Variants in ANAPC16 observed in about 807,000 individuals in gnomAD.
The protein encoded by ANAPC16 is anaphase promoting complex subunit 16.
ANAPC16 carries 6 observed loss-of-function variants against 13.1 expected under a neutral mutation model. The ratio of observed to expected loss-of-function variants is 0.46; its 90% confidence interval spans 0.25 to 0.90. The LOEUF (loss-of-function observed/expected upper bound fraction) is 0.90. Among genes scored for constraint, ANAPC16 ranks in the 40% least tolerant of loss-of-function variants. ANAPC16 has a pLI of 0.18. For missense variants in ANAPC16, 113 were observed against 131.1 expected, an observed-to-expected ratio of 0.86 and a Z score of 0.67; for synonymous variants, 55 against 51.3, an observed-to-expected ratio of 1.07 and a Z score of -0.31.
intron 2 of ANAPC16, among the ~76,000 whole-genome samples, chr10:72,229,513 G>A (rs998497215): frequency 2.0e-5 from 3 of 152,084 alleles, no homozygotes; most frequent in African/African-American, 7.2e-5. Context: ...AAAAAGGACA[G>A]CTGTGTCCTC....
chr10:72,227,488 C>G (rs1365614674), intron 2 of ANAPC16, among the ~76,000 whole-genome samples: 1 of 152,042 alleles, frequency 6.6e-6, no homozygotes, highest in African/African-American at 2.4e-5. Flanking sequence ...TTAAGATAAT[C>G]TTTAAAAATC....
At chr10:72,221,021 A>G (rs927487125) in intron 1 of ANAPC16, among the ~76,000 whole-genome samples, 5 of 152,054 alleles carry the variant, frequency 3.3e-5, no homozygotes, top group Non-Finnish European at 2.9e-5. Flanking sequence ...AGTTCAAGCT[A>G]TTCTCCTGCC....
At chr10:72,219,935 G>A (rs1432882696) in intron 1 of ANAPC16, 1 of 152,198 alleles carries the variant, frequency 6.6e-6, no homozygotes, top group African/African-American at 2.4e-5. Context: ...AAACAGAACA[G>A]CCAGTATTTC....
In ANAPC16 at chr10:72,234,927, G is replaced by T. The variant is rs1860427427; in HGVS notation, c.*1811G>T. On this transcript the variant is annotated 3_prime_UTR_variant, in exon 4 of 4. Coordinates refer to ENST00000299381, the MANE Select transcript of ANAPC16 (RefSeq NM_173473.4). ...GCACCTGGGGAGGCTGAGGTGAGTG[G>T]ATCACTAGAGGTCAGGAGTTCAAGA... The T allele has an allele frequency of 6.6e-6, 1 of 152,204 alleles. No homozygotes were observed. The allele number at this position is 152,204 out of a possible 1,614,324, so 9.4% of individuals were successfully genotyped here.
Position 72,233,015 on chromosome 10 carries a change from C to G in ANAPC16, c.232C>G (p.Arg78Gly). Residue 78 changes from arginine to glycine, a missense_variant, in exon 4 of 4, where the codon CGG (arginine) becomes GGG (glycine). Arg to Gly is a moderately radical substitution (Grantham distance 125). Coordinates refer to ENST00000299381, the MANE Select transcript of ANAPC16 (RefSeq NM_173473.4). The part of the protein sequence containing the change: ...KQVKHDQQVA[R>G]MEKLAGLVEE... ...ACTCCTTACAGATCAGCAAGTTGCTCGGATGGAAAAACTAGCTGGTTTGGT... is the reference window on the plus strand; with the variant it reads ...ACTCCTTACAGATCAGCAAGTTGCTGGGATGGAAAAACTAGCTGGTTTGGT... The G allele has an allele frequency of 6.2e-7, 1 of 1,614,082 alleles. No homozygotes were observed.
intron 1 of ANAPC16, among the ~76,000 whole-genome samples, chr10:72,218,900 G>A (rs1194849418): frequency 6.6e-6 from 1 of 152,194 alleles, no homozygotes; most frequent in Non-Finnish European, 1.5e-5. Context: ...AACGATAGTA[G>A]TTCTGAGAGT....
At chr10:72,218,207 T>G (rs1198988337) in intron 1 of ANAPC16, among the ~76,000 whole-genome samples, 1 of 94,000 alleles carries the variant, frequency 1.1e-5, no homozygotes, top group Non-Finnish European at 2.1e-5. Context: ...TATATATATA[T>G]ATATATATAT....
In ANAPC16 at chr10:72,234,767, C is replaced by T. The variant is rs1001521739; in HGVS notation, c.*1651C>T. The T allele has an allele frequency of 6.6e-6, 1 of 152,146 alleles. No individual in the cohort carries two copies. Among genetic ancestry groups the T allele is most frequent in the Non-Finnish European group, 1.5e-5 (1 of 68,038 alleles). The allele number at this position is 152,146 out of a possible 1,614,324, so 9.4% of individuals were successfully genotyped here. A position where few individuals can be genotyped will look rare whatever the true frequency, so the allele number is the denominator to read the frequency against. On this transcript the variant is annotated 3_prime_UTR_variant, in exon 4 of 4. Transcript: ENST00000299381. ...GCCTGAGCCCTGTGAAGTTAAACAC[C>T]TGCTCATGGTCACATAGCCCAGGCA...
chr10:72,217,040 C>T (rs1386991574), intron 1 of ANAPC16: 1 of 454,254 alleles, frequency 2.2e-6, no homozygotes, highest in East Asian at 6.9e-5. Flanking sequence ...TGCGTTCTGT[C>T]GTTTGTTCAT....
At chr10:72,221,669 C>T (rs1039876650) in intron 1 of ANAPC16, among the ~76,000 whole-genome samples, 4 of 150,186 alleles carry the variant, frequency 2.7e-5, no homozygotes, top group African/African-American at 9.8e-5. Context: ...AGTGATTCTC[C>T]TGCCTCAGTC....
intron 1 of ANAPC16, 60 bp from the exon 2 acceptor site, chr10:72,223,828 T>G: frequency 1.1e-4 from 142 of 1,307,062 alleles, no homozygotes; most frequent in Non-Finnish European, 1.4e-4. Flanking sequence ...GCAGCTAGAA[T>G]GAAATGTTGT....
intron 1 of ANAPC16, among the ~76,000 whole-genome samples, chr10:72,218,702 C>G (rs1235747295): frequency 6.6e-6 from 1 of 152,184 alleles, no homozygotes; most frequent in African/African-American, 2.4e-5. Context: ...CAGTTACCAT[C>G]TAGGGTTTAT....
At chr10:72,219,300 T>A (rs886994119) in intron 1 of ANAPC16, among the ~76,000 whole-genome samples, 4 of 152,210 alleles carry the variant, frequency 2.6e-5, no homozygotes, top group African/African-American at 9.6e-5. Flanking sequence ...TTCAAAAACT[T>A]GTCAGGCTGT....
intron 1 of ANAPC16, chr10:72,216,826 A>AG: frequency 2.2e-6 from 1 of 456,226 alleles, no homozygotes; most frequent in Non-Finnish European, 4.4e-6. Flanking sequence ...CTTACCTGAC[A>AG]GGGCCAAGTC....
intron 3 of ANAPC16, among the ~76,000 whole-genome samples, chr10:72,232,741 C>T (rs569290767): frequency 3.3e-5 from 5 of 151,510 alleles, no homozygotes; most frequent in Admixed American, 6.6e-5. Context: ...GTAGCTGGGA[C>T]TACAGGCGCA....
chr10:72,222,851 C>CTG (rs1214168144), intron 1 of ANAPC16, among the ~76,000 whole-genome samples: 4 of 152,188 alleles, frequency 2.6e-5, no homozygotes, highest in Admixed American at 6.5e-5. Context: ...GTGTAAGCTT[C>CTG]TGTGGCAAAG....
At chr10:72,230,295 A>G (rs1860255158) in intron 2 of ANAPC16, 71 bp from the exon 3 acceptor site, 5 of 1,187,746 alleles carry the variant, frequency 4.2e-6, no homozygotes, top group Non-Finnish European at 6.3e-6. Flanking sequence ...AGAATAGACA[A>G]GTTTACTTGG....
chr10:72,216,260 A>G (rs1288791389), intron 1 of ANAPC16, 122 bp downstream of exon 1: 3 of 159,420 alleles, frequency 1.9e-5, no homozygotes, highest in African/African-American at 4.8e-5. Context: ...AGACTGCTGC[A>G]GCAGACGTGC....
chr10:72,226,374 A>G (rs1860123621), intron 2 of ANAPC16, among the ~76,000 whole-genome samples: 1 of 152,020 alleles, frequency 6.6e-6, no homozygotes, highest in African/African-American at 2.4e-5. Flanking sequence ...AATATCTGTG[A>G]GAAAGATACA....
Sources: gnomAD v4.1 joint callset for allele counts (sites outside exome capture counted in the v4.1 genomes callset) on GRCh38, gnomAD v4.1.1 for gene constraint, MANE v1.5 for transcripts, NCBI Gene and HGNC (gene_info 2026-07-23, HGNC 2026-07-21) for gene names.